TNS1: variants seen among roughly 807,000 people sequenced by gnomAD.
The protein encoded by TNS1 is tensin 1.
In TNS1, 62 loss-of-function variants were observed where a neutral mutation model predicts 168.6. That is an observed-to-expected ratio of 0.37 (90% CI 0.30 to 0.45). TNS1 has a LOEUF of 0.45. TNS1 is among the 20% of genes least tolerant of loss of function. TNS1 has a pLI of 1.00. For synonymous variants in TNS1, 934 were observed against 933.2 expected (o/e 1.00, Z -0.02); for missense variants, 2,240 against 2,339.4 (o/e 0.96, Z 0.88).
chr2:217,901,547 G>T (rs1192040043), intron 6 of TNS1, among the ~76,000 whole-genome samples: 1 of 152,206 alleles, frequency 6.6e-6, no homozygotes, highest in Non-Finnish European at 1.5e-5. Flanking sequence ...GGGAAGGCCA[G>T]TTTCTAGATT....
At chr2:217,839,133 G>T (rs1296307527) in intron 19 of TNS1, among the ~76,000 whole-genome samples, 2 of 151,996 alleles carry the variant, frequency 1.3e-5, no homozygotes, top group Admixed American at 1.3e-4. Flanking sequence ...GGGGTACATA[G>T]TGGGGCCACT....
At chr2:217,966,714 A>G (rs1375792467) in intron 3 of TNS1, among the ~76,000 whole-genome samples, 2 of 152,208 alleles carry the variant, frequency 1.3e-5, no homozygotes, top group South Asian at 4.1e-4. Flanking sequence ...ACAAGGGAAC[A>G]CTGACCCATT....
chr2:218,018,215 A>T (rs1958779324), intron 1 of TNS1, among the ~76,000 whole-genome samples: 1 of 152,180 alleles, frequency 6.6e-6, no homozygotes, highest in Non-Finnish European at 1.5e-5. Flanking sequence ...AAAATACTCA[A>T]GTCAGACATC....
Position 217,813,448 on chromosome 2 carries a change from A to G in TNS1, c.4862-141T>C. The stretch of plus-strand genomic sequence containing the variant: ...GAAGAGAGAACGTGGCTGGAGCCCC[A>G]TGGACTGCAGAGCCCACTGCTGCTC... On this transcript the variant is annotated intron_variant, in intron 26 of 32. Coordinates refer to ENST00000682258, the MANE Select transcript of TNS1 (RefSeq NM_001387777.1). This position sits in a 1 kb window ranked among gnomAD's most constrained non-coding sequence, Gnocchi z 4.0. 1 of 911,958 alleles carries G rather than the reference A, an allele frequency of 1.1e-6. No individual in the cohort carries two copies. Among genetic ancestry groups the G allele is most frequent in the Admixed American group, 2.2e-5 (1 of 45,138 alleles). The allele number at this position is 911,958 out of a possible 1,614,324, so 56.5% of individuals were successfully genotyped here.
intron 3 of TNS1, among the ~76,000 whole-genome samples, chr2:217,950,777 G>A (rs1957221511): frequency 1.3e-5 from 2 of 150,682 alleles, no homozygotes; most frequent in Non-Finnish European, 3.0e-5. Flanking sequence ...GCTGTCACCC[G>A]CACGGCCCTC....
chr2:217,966,312 C>CGT (rs1957636597), intron 3 of TNS1, among the ~76,000 whole-genome samples: 1 of 142,354 alleles, frequency 7.0e-6, no homozygotes, highest in Admixed American at 6.9e-5. Flanking sequence ...TGTGTGTGCG[C>CGT]GCGCGCGCGT....
At chr2:217,881,105 A>G in intron 17 of TNS1, 91 bp from the exon 18 acceptor site, 1 of 942,774 alleles carries the variant, frequency 1.1e-6, no homozygotes, top group Middle Eastern at 3.0e-4. Context: ...AAAGCCCACA[A>G]GCTCCCCAAA....
At chr2:217,990,901 G>C (rs1263503681) in intron 2 of TNS1, 41 bp downstream of exon 2, 1 of 574,604 alleles carries the variant, frequency 1.7e-6, no homozygotes, top group East Asian at 2.8e-5. Context: ...TCATTCCCCT[G>C]ATGGGTGCTC....
At chr2:218,011,792 C>T (rs757142495), upstream of TNS1, among the ~76,000 whole-genome samples, 11 of 152,202 alleles carry the variant, frequency 7.2e-5, no homozygotes, top group South Asian at 6.2e-4. Context: ...ACTAGCAGGA[C>T]CCCAGGGAGG....
intron 18 of TNS1, among the ~76,000 whole-genome samples, chr2:217,862,626 T>C (rs1363457419): frequency 2.6e-5 from 4 of 152,110 alleles, no homozygotes; most frequent in East Asian, 3.9e-4. Context: ...TGTGAGTTCA[T>C]TGGGCCCAAC....
intron 21 of TNS1, among the ~76,000 whole-genome samples, chr2:217,831,835 G>A (rs1049327218): frequency 6.6e-6 from 1 of 152,014 alleles, no homozygotes; most frequent in Non-Finnish European, 1.5e-5. Flanking sequence ...TTAGCTTCTC[G>A]CTGCAGTCCC....
rs1455709190 is a variant in TNS1, at chr2:217,946,965, TCTCTCA to T, written c.187-26735_187-26730del. 6.1e-5 allele frequency among the ~76,000 whole-genome samples: 8 copies of T among 130,656 alleles called. No individual in the cohort carries two copies. In the East Asian group the frequency reaches 1.0e-3, roughly 16 times the overall value. The allele number at this position is 130,656 out of a possible 152,430, so 85.7% of individuals were successfully genotyped here. On this transcript the variant is annotated intron_variant, in intron 3 of 32. Transcript: ENST00000682258. ...CTCTCTCTCTCTCTCTCTCTCTCTCTCTCTCACACACACACACACACACACACACAG... is the reference window on the plus strand; with the variant it reads ...CTCTCTCTCTCTCTCTCTCTCTCTCTCACACACACACACACACACACACAG...
intron 18 of TNS1, among the ~76,000 whole-genome samples, chr2:217,873,671 A>G (rs1313620912): frequency 1.3e-5 from 2 of 152,150 alleles, no homozygotes; most frequent in Non-Finnish European, 2.9e-5. Flanking sequence ...GGGCTGAGGA[A>G]GGGGGTCCTG....
At chr2:217,976,001 C>A (rs974476514) in intron 3 of TNS1, among the ~76,000 whole-genome samples, 1 of 152,302 alleles carries the variant, frequency 6.6e-6, no homozygotes, top group South Asian at 2.1e-4. Flanking sequence ...CTCTTTCAAG[C>A]GTAACAAGTT....
chr2:218,029,369 G>A (rs1017049999), intron 1 of TNS1, among the ~76,000 whole-genome samples: 8 of 152,230 alleles, frequency 5.3e-5, no homozygotes, highest in Admixed American at 3.9e-4. Flanking sequence ...TCCGAGACAC[G>A]TGGGTCTTCC....
intron 3 of TNS1, among the ~76,000 whole-genome samples, chr2:217,931,552 A>G (rs544198722): frequency 3.9e-5 from 6 of 152,140 alleles, no homozygotes; most frequent in Non-Finnish European, 7.4e-5. Flanking sequence ...AGAGACCCAC[A>G]CAGACATCAG....
At chr2:217,857,608 C>T (rs1380312882) in intron 18 of TNS1, among the ~76,000 whole-genome samples, 1 of 152,230 alleles carries the variant, frequency 6.6e-6, no homozygotes, top group East Asian at 1.9e-4. Flanking sequence ...TCATACCATG[C>T]CCTCCATAAA....
chr2:217,845,786 G>C (rs1352250531), intron 19 of TNS1, among the ~76,000 whole-genome samples: 1 of 152,190 alleles, frequency 6.6e-6, no homozygotes, highest in Non-Finnish European at 1.5e-5. Context: ...GGGCCATTAG[G>C]GTTATGGCCT....
chr2:217,844,552 C>A (rs1373775197), intron 19 of TNS1, among the ~76,000 whole-genome samples: 1 of 152,180 alleles, frequency 6.6e-6, no homozygotes, highest in African/African-American at 2.4e-5. Context: ...CACTGTGAAC[C>A]CTCTCTGCCC....
Sources: gnomAD v4.1 joint callset for allele counts (sites outside exome capture counted in the v4.1 genomes callset) on GRCh38, gnomAD v4.1.1 for gene constraint, Gnocchi (gnomAD v3.1) non-coding constraint, MANE v1.5 for transcripts, NCBI Gene and HGNC (gene_info 2026-07-23, HGNC 2026-07-21) for gene names.